The following CENPN variants were observed in gnomAD, a reference collection of about 807,000 sequenced individuals.
The protein encoded by CENPN is interphase centromere complex protein 32.
Under a neutral mutation model 48.6 loss-of-function variants are expected in CENPN, and 36 were observed. The ratio of observed to expected loss-of-function variants is 0.74; its 90% CI spans 0.57 to 0.98. The LOEUF (loss-of-function observed/expected upper bound fraction) is 0.98. CENPN is among the 50% of genes least tolerant of loss of function. The probability of loss-of-function intolerance (pLI) is 0.00; values close to 1 mark genes in which losing one functional copy is unlikely to be tolerated. For synonymous variants in CENPN, 166 were observed against 135.2 expected (o/e 1.23, Z -1.58); for missense variants, 439 against 399.2 (o/e 1.10, Z -0.85).
At chr16:81,024,683 G>A in intron 7 of CENPN, 32 bp from the exon 8 acceptor site, 1 of 1,443,034 alleles carries the variant, frequency 6.9e-7, no homozygotes, top group Non-Finnish European at 9.6e-7. Context: ...AAGATGTCAA[G>A]ATTAGTAAAA....
At chr16:81,020,015 G>C (rs906581841) in intron 5 of CENPN, 85 bp from the exon 6 acceptor site, 12 of 1,212,628 alleles carry the variant, frequency 9.9e-6, no homozygotes, top group Non-Finnish European at 1.4e-5. Flanking sequence ...GGACATCATT[G>C]TTCACCCCTA....
intron 6 of CENPN, among the ~76,000 whole-genome samples, chr16:81,021,683 G>T (rs968489002): frequency 6.6e-6 from 1 of 151,912 alleles, no homozygotes; most frequent in Non-Finnish European, 1.5e-5. Context: ...GATACATAGT[G>T]GTCTTTCATC....
At chr16:81,017,675 A>G in intron 4 of CENPN, 83 bp from the exon 5 acceptor site, 1 of 938,156 alleles carries the variant, frequency 1.1e-6, no homozygotes, top group Non-Finnish European at 1.7e-6. Context: ...CAAAATGCTT[A>G]GTTTCATGGT....
chr16:81,011,299 G>C (rs953364016), intron 1 of CENPN, among the ~76,000 whole-genome samples: 7 of 152,152 alleles, frequency 4.6e-5, no homozygotes, highest in African/African-American at 1.7e-4. Context: ...AACTCAGCCT[G>C]CCAAAATTAT....
At chr16:81,032,770 T>A, downstream of CENPN, 1 of 1,424,018 alleles carries the variant, frequency 7.0e-7, no homozygotes, top group Non-Finnish European at 9.6e-7. Context: ...AGCTAACTGC[T>A]ATAGACTAAT....
intron 7 of CENPN, 150 bp from the exon 8 acceptor site, chr16:81,024,565 T>TCAACTCAGCCAACTCAGCCAACTCAGC (rs71272432): frequency 4.0e-6 from 2 of 505,398 alleles, no homozygotes; most frequent in African/African-American, 4.0e-5. Context: ...AGTGTCCTGC[T>TCAACTCAGCCAACTCAGCCAACTCAGC]CAACTCAGCC....
At chr16:81,017,874 A>G (rs1356289063) in intron 5 of CENPN, 40 bp downstream of exon 5, 1 of 1,228,004 alleles carries the variant, frequency 8.1e-7, no homozygotes, top group Admixed American at 2.2e-5. Context: ...ATTCAATGTC[A>G]TGACGTCTGT....
At chr16:81,012,341 CA>C (rs1969776050) in intron 2 of CENPN, among the ~76,000 whole-genome samples, 2 of 152,090 alleles carry the variant, frequency 1.3e-5, no homozygotes, top group African/African-American at 4.8e-5. Context: ...GTAGAAAAAA[CA>C]GTACAAATTA....
At chr16:81,015,164 A>G (rs948342805) in intron 3 of CENPN, among the ~76,000 whole-genome samples, 1 of 152,232 alleles carries the variant, frequency 6.6e-6, no homozygotes, top group Non-Finnish European at 1.5e-5. Flanking sequence ...ATTACAGTGT[A>G]GCTTCTCACC....
Position 81,011,727 on chromosome 16 carries a change from G to A in CENPN, c.-10-203G>A, listed in dbSNP as rs572434377. Among the ~76,000 whole-genome samples the A allele has an allele frequency of 8.5e-5, 13 of 152,318 alleles. No individual in the cohort carries two copies. The South Asian group carries it at 2.7e-3, about 32-fold the overall frequency. On this transcript the variant is annotated intron_variant, in intron 1 of 10. Transcript: ENST00000305850. ...AGCTAAATATGATGCCGATGGCCAG[G>A]CGCAGTAGCTCACGCCTGTAATCCC...
At chr16:81,032,618 G>T (rs746709925), downstream of CENPN, 2 of 1,613,430 alleles carry the variant, frequency 1.2e-6, no homozygotes, top group African/African-American at 1.3e-5. Context: ...GGAAGCCACA[G>T]TCAAGGGACC....
Position 81,028,635 on chromosome 16 carries a change from A to C in CENPN, c.1004A>C (p.Lys335Thr). ...CIPNKRMNYF[K>T]IRDK ...CCCAACAAGAGAATGAATTATTTTA[A>C]AATTAGAGATAAATAAGACGTGCGT... The change falls in exon 11 of 11, where the codon AAA (lysine) becomes ACA (threonine). Residue 335 changes from lysine (K) to threonine (T), a missense_variant. Coordinates refer to ENST00000305850, the MANE Select transcript of CENPN (RefSeq NM_001100624.3). 6.2e-7 allele frequency: 1 copy of C among 1,611,940 alleles called. No individual in the cohort carries two copies. Among genetic ancestry groups the C allele is most frequent in the Non-Finnish European group, 8.5e-7 (1 of 1,179,636 alleles).
intron 2 of CENPN, among the ~76,000 whole-genome samples, chr16:81,013,466 G>T (rs546022855): frequency 4.5e-4 from 68 of 152,306 alleles, no homozygotes; most frequent in African/African-American, 1.5e-3. Flanking sequence ...AGTGGCTCCT[G>T]CCTGGAATCC....
intron 5 of CENPN, among the ~76,000 whole-genome samples, chr16:81,018,197 GAC>G (rs1334146919): frequency 2.0e-5 from 3 of 151,138 alleles, no homozygotes; most frequent in African/African-American, 7.3e-5. Flanking sequence ...CTTTCCTTGA[GAC>G]AGAGTCTTAC....
intron 5 of CENPN, 152 bp downstream of exon 5, chr16:81,017,986 ATAT>A (rs1970003978): frequency 1.6e-5 from 9 of 566,298 alleles, no homozygotes; most frequent in Non-Finnish European, 2.8e-5. Flanking sequence ...CACACTGTAA[ATAT>A]TATGAAAACT....
intron 7 of CENPN, chr16:81,024,410 T>C (rs899610398): frequency 1.1e-5 from 2 of 185,664 alleles, no homozygotes; most frequent in Non-Finnish European, 1.1e-5. Context: ...GTTATGAAGA[T>C]TGAGCACTGA....
At chr16:81,019,397 G>A (rs1009123021) in intron 5 of CENPN, among the ~76,000 whole-genome samples, 4 of 147,542 alleles carry the variant, frequency 2.7e-5, no homozygotes, top group Admixed American at 6.8e-5. Context: ...TTTTTTTTCC[G>A]GTAGATACTG....
At chr16:81,026,125 A>G (rs12597464) in intron 8 of CENPN, among the ~76,000 whole-genome samples, 6 of 120,364 alleles carry the variant, frequency 5.0e-5, no homozygotes, top group East Asian at 2.4e-4. Flanking sequence ...ATGTATATAT[A>G]TGTGTGTATA....
Position 81,028,743 on chromosome 16 carries a change from C to A in CENPN, c.*92C>A. ...TAGCTGTATAGCTTCCGTCTGTAAA[C>A]TTGTATTTTCAAGAATCCTTGGTAT... On this transcript the variant is annotated 3_prime_UTR_variant, in exon 11 of 11. Transcript: ENST00000305850. The A allele has an allele frequency of 6.7e-7, 1 of 1,500,210 alleles. No individual in the cohort carries two copies. The allele number at this position is 1,500,210 out of a possible 1,614,324, so 92.9% of individuals were successfully genotyped here.
Sources: gnomAD v4.1 joint callset for allele counts (sites outside exome capture counted in the v4.1 genomes callset) on GRCh38, gnomAD v4.1.1 for gene constraint, MANE v1.5 for transcripts, NCBI Gene and HGNC (gene_info 2026-07-23, HGNC 2026-07-21) for gene names.